SIL1: variants seen among roughly 807,000 people sequenced by gnomAD.
SIL1 encodes nucleotide exchange factor SIL1.
A neutral mutation model predicts 49.1 loss-of-function variants in SIL1; 40 were observed. The observed-to-expected ratio is 0.81, with a 90% CI of 0.63 to 1.06. The LOEUF (loss-of-function observed/expected upper bound fraction) is 1.06. SIL1 is among the 50% of genes least tolerant of loss of function. The pLI is 0.00. For missense variants in SIL1, 500 were observed against 572.6 expected, an observed-to-expected ratio of 0.87 and a Z score of 1.29; for synonymous variants, 253 against 250.8, an observed-to-expected ratio of 1.01 and a Z score of -0.08.
At chr5:139,040,288 A>G (rs964978486) in intron 5 of SIL1, among the ~76,000 whole-genome samples, 1 of 152,130 alleles carries the variant, frequency 6.6e-6, no homozygotes, top group Non-Finnish European at 1.5e-5. Flanking sequence ...ATAGGCTCCA[A>G]ATGAAAAGCA....
intron 3 of SIL1, among the ~76,000 whole-genome samples, chr5:139,086,282 A>AG (rs1770218143): frequency 2.0e-5 from 3 of 146,514 alleles, no homozygotes; most frequent in Admixed American, 6.8e-5. Context: ...AAAAAAAAAA[A>AG]AAAAAAGAAG....
intron 1 of SIL1, among the ~76,000 whole-genome samples, chr5:139,162,061 C>A (rs1751524544): frequency 1.3e-5 from 2 of 151,946 alleles, no homozygotes; most frequent in African/African-American, 4.8e-5. Flanking sequence ...GGTGGGCACA[C>A]CAGCACTGAG....
At chr5:138,962,216 C>T (rs180749849) in intron 7 of SIL1, among the ~76,000 whole-genome samples, 4 of 151,904 alleles carry the variant, frequency 2.6e-5, no homozygotes, top group East Asian at 3.9e-4. Context: ...CTCTTCTACA[C>T]GGAGGGTAAA....
chr5:138,989,737 G>C (rs1344984271), intron 7 of SIL1, among the ~76,000 whole-genome samples: 3 of 152,204 alleles, frequency 2.0e-5, no homozygotes, highest in African/African-American at 7.2e-5. Flanking sequence ...TTAAGTCACA[G>C]TTCATAGTGA....
intron 1 of SIL1, among the ~76,000 whole-genome samples, chr5:139,185,065 C>T (rs1319662203): frequency 6.6e-6 from 1 of 152,168 alleles, no homozygotes; most frequent in African/African-American, 2.4e-5. Context: ...AATTGTTTCC[C>T]AGCCAGGGCC....
chr5:139,136,519 A>G (rs1284338651), intron 1 of SIL1, among the ~76,000 whole-genome samples: 1 of 152,216 alleles, frequency 6.6e-6, no homozygotes, highest in Non-Finnish European at 1.5e-5. Flanking sequence ...AAAAGGGAGC[A>G]AGCAAGGAAA....
Position 138,947,583 on chromosome 5 carries a change from A to T in SIL1, c.1030-110T>A. 1.1e-6 allele frequency: 1 copy of T among 922,520 alleles called. No homozygotes were observed. The highest frequency in any genetic ancestry group is 1.8e-6 in the Non-Finnish European group (1 of 562,400). The allele number at this position is 922,520 out of a possible 1,614,324, so 57.1% of individuals were successfully genotyped here. ...TCTGCCCTTCAGACAGGAAGGCACG[A>T]GGCTGACCCCTGAGGGCCCACCTCT... On this transcript the variant is annotated intron_variant, in intron 9 of 9. Transcript: ENST00000394817. The surrounding 1 kb of genome is among the most constrained non-coding windows in gnomAD (Gnocchi z 4.1).
intron 1 of SIL1, among the ~76,000 whole-genome samples, chr5:139,175,307 G>A (rs1030075720): frequency 6.6e-6 from 1 of 152,078 alleles, no homozygotes; most frequent in Non-Finnish European, 1.5e-5. Context: ...GGCAACAAGA[G>A]CGAAGCTCCA....
chr5:138,984,677 C>T (rs960197961), intron 7 of SIL1, among the ~76,000 whole-genome samples: 25 of 152,066 alleles, frequency 1.6e-4, no homozygotes, highest in African/African-American at 6.0e-4. Context: ...ATTCTTGAGG[C>T]CTGTGAGCTC....
chr5:139,035,343 C>G (rs1768879529), intron 5 of SIL1: 1 of 530,944 alleles, frequency 1.9e-6, no homozygotes, highest in African/African-American at 1.9e-5. Flanking sequence ...GATATTTCCA[C>G]TGTGTTTGAT....
chr5:139,161,326 C>T (rs1751509141), intron 1 of SIL1, among the ~76,000 whole-genome samples: 3 of 152,206 alleles, frequency 2.0e-5, no homozygotes, highest in African/African-American at 2.4e-5. Context: ...AGCTAACAAG[C>T]AGGCTGTCCA....
chr5:139,029,511 AT>A (rs1241618983), intron 5 of SIL1, among the ~76,000 whole-genome samples: 2 of 152,008 alleles, frequency 1.3e-5, no homozygotes, highest in Non-Finnish European at 2.9e-5. Flanking sequence ...CTATGTCATA[AT>A]TTTTTTGGAG....
chr5:139,135,110 A>C (rs1354059399), intron 1 of SIL1, among the ~76,000 whole-genome samples: 2 of 152,224 alleles, frequency 1.3e-5, no homozygotes, highest in African/African-American at 2.4e-5. Flanking sequence ...GCCTGAGACA[A>C]TACTAAACAG....
At chr5:139,010,774 C>T (rs1273759588) in intron 7 of SIL1, among the ~76,000 whole-genome samples, 2 of 151,990 alleles carry the variant, frequency 1.3e-5, no homozygotes, top group Admixed American at 6.6e-5. Context: ...TTAGGCTGCT[C>T]GGGGGTCAGG....
intron 1 of SIL1, among the ~76,000 whole-genome samples, chr5:139,165,317 C>A (rs1486993305): frequency 6.6e-6 from 1 of 152,110 alleles, no homozygotes; most frequent in Non-Finnish European, 1.5e-5. Context: ...TTTGAGTTGT[C>A]CCACCTTTCT....
chr5:139,160,090 G>T (rs1391267585), intron 1 of SIL1, among the ~76,000 whole-genome samples: 1 of 151,678 alleles, frequency 6.6e-6, no homozygotes, highest in Non-Finnish European at 1.5e-5. Context: ...CAGTCACAGT[G>T]GGGTGGGAGA....
intron 7 of SIL1, chr5:139,013,948 C>T (rs898212281): frequency 6.6e-6 from 1 of 152,110 alleles, no homozygotes; most frequent in African/African-American, 2.4e-5. Flanking sequence ...TGTGTTAGAC[C>T]ATTTATGTTC....
At chr5:139,073,524 G>A (rs1240284584) in intron 3 of SIL1, among the ~76,000 whole-genome samples, 1 of 152,142 alleles carries the variant, frequency 6.6e-6, no homozygotes. Flanking sequence ...TAGTTAACCA[G>A]GACTGCGGTA....
At position 138,947,076 on chromosome 5, in the gene SIL1, G is replaced by T; in HGVS notation, c.*41C>A. The stretch of plus-strand genomic sequence containing the variant: ...AGCCCACCCACGCTGGCACCCCTCA[G>T]CCTCACTAGCGGCATCCCAGTCCAG... On this transcript the variant is annotated 3_prime_UTR_variant, in exon 10 of 10. Transcript: ENST00000394817. This position sits in a 1 kb window ranked among gnomAD's most constrained non-coding sequence, Gnocchi z 4.1. The T allele has an allele frequency of 6.6e-7, 1 of 1,524,586 alleles. No individual in the cohort carries two copies. The highest frequency in any genetic ancestry group is 9.0e-7 in the Non-Finnish European group (1 of 1,107,084). The allele number at this position is 1,524,586 out of a possible 1,614,324, so 94.4% of individuals were successfully genotyped here.
Sources: allele counts gnomAD v4.1 joint callset (sites outside exome capture counted in the v4.1 genomes callset), GRCh38; gene constraint gnomAD v4.1.1; non-coding constraint Gnocchi (gnomAD v3.1); transcripts MANE v1.5; gene names NCBI Gene and HGNC (gene_info 2026-07-23, HGNC 2026-07-21).